Variants in SNW1 observed in about 807,000 individuals in gnomAD.
The protein encoded by SNW1 is SNW domain-containing protein 1.
A neutral mutation model predicts 75.6 loss-of-function variants in SNW1; 9 were observed. The ratio of observed to expected loss-of-function variants is 0.12; its 90% CI spans 0.07 to 0.21. SNW1 has a LOEUF of 0.21. Among genes scored for constraint, SNW1 ranks in the 10% least tolerant of loss-of-function variants. The probability of loss-of-function intolerance (pLI) is 1.00; values close to 1 mark genes in which losing one functional copy is unlikely to be tolerated. For synonymous variants in SNW1, 200 were observed against 219.1 expected (o/e 0.91, Z 0.77); for missense variants, 409 against 670.9 (o/e 0.61, Z 4.31).
intron 4 of SNW1, 23 bp from the exon 5 acceptor site, chr14:77,738,907 G>C: frequency 6.2e-7 from 1 of 1,609,866 alleles, no homozygotes; most frequent in Non-Finnish European, 8.5e-7. Context: ...ATATCACATT[G>C]AGAGTTTGGA....
intron 10 of SNW1, among the ~76,000 whole-genome samples, chr14:77,726,495 T>C (rs1434311974): frequency 6.6e-6 from 1 of 152,120 alleles, no homozygotes; most frequent in Non-Finnish European, 1.5e-5. Flanking sequence ...ATCATTTTCT[T>C]TGTGGCGATC....
At chr14:77,733,865 A>G in intron 8 of SNW1, 1 of 362,636 alleles carries the variant, frequency 2.8e-6, no homozygotes, top group South Asian at 2.1e-5. Context: ...CTGTACTTGA[A>G]TGTCTATGTA....
rs550156151 is a variant in SNW1 at position 77,732,130 on chromosome 14, T to C, written c.891+355A>G. Among the ~76,000 whole-genome samples, 10 of 152,370 alleles carry C rather than the reference T, an allele frequency of 6.6e-5. No homozygotes were observed. The South Asian group carries it at 1.9e-3, about 28-fold the overall frequency. Reference sequence around the variant, plus strand: ...ACTATTCAATTCATTAGAATGTTTATCTGCCTTTTCCTGCAACTGCCCTTT... The same window carrying C: ...ACTATTCAATTCATTAGAATGTTTACCTGCCTTTTCCTGCAACTGCCCTTT... On this transcript the variant is annotated intron_variant, in intron 9 of 13. Transcript: ENST00000261531.
chr14:77,759,984 T>G (rs1406575570), intron 1 of SNW1, among the ~76,000 whole-genome samples: 4 of 151,672 alleles, frequency 2.6e-5, no homozygotes, highest in African/African-American at 7.3e-5. Flanking sequence ...AGCAAAAAAA[T>G]TTTAGAAACG....
At chr14:77,755,287 A>G (rs888037468) in intron 1 of SNW1, among the ~76,000 whole-genome samples, 167 bp from the exon 2 acceptor site, 3 of 152,220 alleles carry the variant, frequency 2.0e-5, no homozygotes, top group African/African-American at 7.2e-5. Flanking sequence ...CCATTTTATA[A>G]TATGTGGAAG....
In SNW1 at chr14:77,761,094, G is replaced by A. The variant is rs2080887726; in HGVS notation, c.14+20C>T. ...TACTCCCAGACCCTTCCGTATCGAG[G>A]ACCCCAATCAACAACCCACCTGGTG... On this transcript the variant is annotated intron_variant, in intron 1 of 13. Coordinates refer to ENST00000261531, the MANE Select transcript of SNW1 (RefSeq NM_012245.3). 1 of 1,614,242 alleles carries A rather than the reference G, an allele frequency of 6.2e-7. No individual in the cohort carries two copies.
At chr14:77,721,741 TA>T (rs200105649) in intron 11 of SNW1, among the ~76,000 whole-genome samples, 19 of 152,160 alleles carry the variant, frequency 1.2e-4, no homozygotes, top group Admixed American at 1.2e-3. Context: ...TATTTATTTT[TA>T]TTTTTTTATT....
chr14:77,726,529 T>C (rs1331188973), intron 10 of SNW1, among the ~76,000 whole-genome samples: 2 of 152,088 alleles, frequency 1.3e-5, no homozygotes, highest in Non-Finnish European at 2.9e-5. Flanking sequence ...GTTAAGTTTA[T>C]TCCTAGGAGG....
chr14:77,739,634 A>G (rs1454886256), intron 3 of SNW1, among the ~76,000 whole-genome samples: 1 of 151,996 alleles, frequency 6.6e-6, no homozygotes, highest in Non-Finnish European at 1.5e-5. Context: ...GAAAAAGAAA[A>G]ATATATTCTA....
At position 77,735,027 on chromosome 14, in the gene SNW1, AAAG is replaced by A; in HGVS notation, c.709-18_709-16del. The A allele has an allele frequency of 6.3e-7, 1 of 1,576,924 alleles. No individual in the cohort carries two copies. Among genetic ancestry groups the A allele is most frequent in the Non-Finnish European group, 8.7e-7 (1 of 1,148,866 alleles). ...TTTACAGTCATCTGAGAGAAGAGGG[AAAG>A]AAGAGACAAGTTTAGATTTATAGTC... On this transcript the variant is annotated splice_polypyrimidine_tract_variant and intron_variant, in intron 7 of 13. Transcript: ENST00000261531.
chr14:77,760,959 C>T, intron 1 of SNW1, 155 bp downstream of exon 1: 6 of 1,562,514 alleles, frequency 3.8e-6, no homozygotes, highest in Non-Finnish European at 5.3e-6. Context: ...TAGGCCTAGT[C>T]GTAGCGGCGG....
At chr14:77,759,653 T>G (rs1243459274) in intron 1 of SNW1, among the ~76,000 whole-genome samples, 2 of 152,212 alleles carry the variant, frequency 1.3e-5, no homozygotes, top group African/African-American at 4.8e-5. Context: ...TGGGGAGCAC[T>G]CAAATGTTTG....
At chr14:77,740,825 G>A (rs943191427) in intron 3 of SNW1, among the ~76,000 whole-genome samples, 8 of 152,184 alleles carry the variant, frequency 5.3e-5, no homozygotes, top group South Asian at 2.1e-4. Flanking sequence ...GGGAGGGCAC[G>A]GTGGCTCACG....
chr14:77,724,519 T>C (rs1447939187), intron 10 of SNW1, among the ~76,000 whole-genome samples: 11 of 152,228 alleles, frequency 7.2e-5, no homozygotes, highest in Non-Finnish European at 1.6e-4. Flanking sequence ...GTCCCCAACA[T>C]CCTTCCCAAC....
intron 3 of SNW1, among the ~76,000 whole-genome samples, chr14:77,742,931 A>C (rs1566832984): frequency 6.6e-6 from 1 of 151,578 alleles, no homozygotes; most frequent in Non-Finnish European, 1.5e-5. Flanking sequence ...CTTTATTTCA[A>C]GATTTATCAC....
Position 77,734,001 on chromosome 14 carries a change from T to C in SNW1, c.774+946A>G, listed in dbSNP as rs1201420318. ...CTCAAGATACCATCCAGTTACAAAATACCAATCAACTCAAATCAGACCAGT... is the reference window on the plus strand; with the variant it reads ...CTCAAGATACCATCCAGTTACAAAACACCAATCAACTCAAATCAGACCAGT... On this transcript the variant is annotated intron_variant, in intron 8 of 13. Transcript: ENST00000261531. 1.4e-5 allele frequency: 6 copies of C among 418,650 alleles called. No homozygotes were observed. The East Asian group carries it at 4.4e-4, about 31-fold the overall frequency. The allele number at this position is 418,650 out of a possible 1,614,324, so 25.9% of individuals were successfully genotyped here.
At chr14:77,757,770 C>T (rs1453066348) in intron 1 of SNW1, among the ~76,000 whole-genome samples, 1 of 152,174 alleles carries the variant, frequency 6.6e-6, no homozygotes, top group Non-Finnish European at 1.5e-5. Flanking sequence ...GCTCACAGCT[C>T]GAGCTCCTTA....
At position 77,718,542 on chromosome 14, in the gene SNW1, T is replaced by C. The variant is rs750606727; in HGVS notation, c.1249-12A>G. 2.0e-6 allele frequency: 3 copies of C among 1,509,518 alleles called. No homozygotes were observed. The highest frequency in any genetic ancestry group is 2.7e-6 in the Non-Finnish European group (3 of 1,102,918). 93.5% of individuals were successfully genotyped at this position (1,509,518 alleles called of 1,614,324 possible). On this transcript the variant is annotated splice_polypyrimidine_tract_variant and intron_variant, in intron 12 of 13. Coordinates refer to ENST00000261531, the MANE Select transcript of SNW1 (RefSeq NM_012245.3). ...CCACTGTCCATACCCTGTGGAAAAA[T>C]GGATGACATTAAATAAAAGTGTAAA...
intron 1 of SNW1, among the ~76,000 whole-genome samples, chr14:77,760,185 G>A (rs1223675729): frequency 6.6e-6 from 1 of 152,018 alleles, no homozygotes; most frequent in African/African-American, 2.4e-5. Flanking sequence ...ACAGAGCAAG[G>A]CACCAACAGT....
Sources: gnomAD v4.1 joint callset for allele counts (sites outside exome capture counted in the v4.1 genomes callset) on GRCh38, gnomAD v4.1.1 for gene constraint, MANE v1.5 for transcripts, NCBI Gene and HGNC (gene_info 2026-07-23, HGNC 2026-07-21) for gene names.